TUSC3: variants seen among roughly 807,000 people sequenced by gnomAD.
TUSC3 encodes the protein dolichyl-diphosphooligosaccharide--protein glycosyltransferase subunit TUSC3.
TUSC3 carries 45 observed loss-of-function variants against 44.8 expected under a neutral mutation model. The ratio of observed to expected loss-of-function variants is 1.00; its 90% CI spans 0.79 to 1.29. The LOEUF (loss-of-function observed/expected upper bound fraction) is 1.29, where lower values mean the gene tolerates loss of function less well. Among genes scored for constraint, TUSC3 ranks in the 50% most tolerant of loss-of-function variants. The pLI, the probability that TUSC3 is intolerant of heterozygous loss-of-function variation, is 0.00. For missense variants in TUSC3, 519 were observed against 437.9 expected, an observed-to-expected ratio of 1.19 and a Z score of -1.65; for synonymous variants, 212 against 152.9, an observed-to-expected ratio of 1.39 and a Z score of -2.85.
chr8:15,498,099 A>T (rs1302821080), intron 2 of TUSC3, among the ~76,000 whole-genome samples: 1 of 152,178 alleles, frequency 6.6e-6, no homozygotes, highest in Non-Finnish European at 1.5e-5. Context: ...TTGTATGCTG[A>T]TGATGACCTA....
intron 3 of TUSC3, among the ~76,000 whole-genome samples, chr8:15,657,514 G>T (rs1353278565): frequency 6.6e-6 from 1 of 152,142 alleles, no homozygotes; most frequent in Non-Finnish European, 1.5e-5. Context: ...TTCCGTCTGA[G>T]ACCTCATCAG....
At chr8:15,586,252 G>C (rs1224307072) in intron 1 of TUSC3, among the ~76,000 whole-genome samples, 1 of 152,144 alleles carries the variant, frequency 6.6e-6, no homozygotes, top group Admixed American at 6.6e-5. Flanking sequence ...GTGAATTCAA[G>C]GTGAAAACAA....
At chr8:15,815,338 G>C in the TUSC3 span, among the ~76,000 whole-genome samples, 1 of 152,102 alleles carries the variant, frequency 6.6e-6, no homozygotes, top group Admixed American at 6.6e-5. Flanking sequence ...GGGAAAGATA[G>C]TAGGAAATCA....
chr8:15,696,045 A>C (rs1260273560), intron 6 of TUSC3, among the ~76,000 whole-genome samples: 2 of 152,218 alleles, frequency 1.3e-5, no homozygotes, highest in African/African-American at 4.8e-5. Flanking sequence ...CCAGCTGTGG[A>C]AATTTGCATA....
At chr8:15,551,929 A>C (rs1235558823) in intron 1 of TUSC3, among the ~76,000 whole-genome samples, 3 of 151,692 alleles carry the variant, frequency 2.0e-5, no homozygotes, top group East Asian at 3.9e-4. Flanking sequence ...CCATCATGAC[A>C]CAGTAAATAG....
At chr8:15,754,683 T>C (rs1158255458) in intron 9 of TUSC3, among the ~76,000 whole-genome samples, 1 of 152,168 alleles carries the variant, frequency 6.6e-6, no homozygotes, top group Admixed American at 6.5e-5. Flanking sequence ...GCCCTCAGTG[T>C]CTTCGTTTTG....
At chr8:15,645,936 G>C (rs766186922) in intron 2 of TUSC3, among the ~76,000 whole-genome samples, 1 of 152,058 alleles carries the variant, frequency 6.6e-6, no homozygotes, top group Non-Finnish European at 1.5e-5. Flanking sequence ...GGTAAACTTA[G>C]CTTAAGGGTA....
the TUSC3 span, among the ~76,000 whole-genome samples, chr8:15,809,345 G>C: frequency 6.6e-6 from 1 of 152,140 alleles, no homozygotes; most frequent in Admixed American, 6.6e-5. Context: ...CATGATTGCT[G>C]TTTTTGTGTA....
In TUSC3 at chr8:15,763,338, C is replaced by A. The variant is rs1288151491; in HGVS notation, c.*47-865C>A. Among the ~76,000 whole-genome samples, 31 of 151,418 alleles carry A rather than the reference C, an allele frequency of 2.0e-4. 1 individual carries two copies. Among genetic ancestry groups the A allele is most frequent in the Non-Finnish European group, 1.5e-5 (1 of 67,830 alleles). On this transcript the variant is annotated intron_variant, in intron 10 of 10. Transcript: ENST00000503731. ...CCTAGGATGATATGATTTAAACATCCAAATATAAAACTTACCTACTTTGGA... is the reference window on the plus strand; with the variant it reads ...CCTAGGATGATATGATTTAAACATCAAAATATAAAACTTACCTACTTTGGA...
At chr8:15,590,166 C>G (rs776352432) in intron 1 of TUSC3, among the ~76,000 whole-genome samples, 5 of 152,232 alleles carry the variant, frequency 3.3e-5, no homozygotes, top group African/African-American at 9.6e-5. Flanking sequence ...TTAGATAATT[C>G]CAATGTACAG....
chr8:15,417,634 T>A (rs183153225), intron 1 of TUSC3, among the ~76,000 whole-genome samples: 1 of 152,210 alleles, frequency 6.6e-6, no homozygotes, highest in Non-Finnish European at 1.5e-5. Context: ...AGGGTAAATA[T>A]ATACTAGAGA....
upstream of TUSC3, among the ~76,000 whole-genome samples, chr8:15,539,422 G>A (rs1341369250): frequency 3.0e-5 from 4 of 131,156 alleles, no homozygotes; most frequent in Non-Finnish European, 6.2e-5. Context: ...GAGTGATCTC[G>A]GCTCACTGCA....
chr8:15,821,253 C>A, the TUSC3 span, among the ~76,000 whole-genome samples: 1 of 151,770 alleles, frequency 6.6e-6, no homozygotes, highest in African/African-American at 2.4e-5. Flanking sequence ...AAATTCTAGT[C>A]ATTTAAATCA....
chr8:15,504,293 T>C (rs906457567), intron 2 of TUSC3, among the ~76,000 whole-genome samples: 1 of 151,984 alleles, frequency 6.6e-6, no homozygotes, highest in Non-Finnish European at 1.5e-5. Context: ...ACATTGACAG[T>C]GCAGTTTAAC....
intron 1 of TUSC3, among the ~76,000 whole-genome samples, chr8:15,589,514 G>A (rs1160191008): frequency 6.6e-6 from 1 of 152,162 alleles, no homozygotes; most frequent in Non-Finnish European, 1.5e-5. Context: ...GAGGTTAATA[G>A]TAGCTAATTA....
chr8:15,802,120 G>A, the TUSC3 span, among the ~76,000 whole-genome samples: 122,455 of 152,068 alleles, frequency 0.81, 49,349 homozygotes, highest in East Asian at 0.84. Flanking sequence ...GACACACCAC[G>A]TAAGAGTAGA....
At chr8:15,842,607 T>C in the TUSC3 span, among the ~76,000 whole-genome samples, 21 of 152,162 alleles carry the variant, frequency 1.4e-4, no homozygotes, top group Non-Finnish European at 2.9e-4. Context: ...GCAAGATTTG[T>C]ACACAGGAGA....
chr8:15,618,728 A>T (rs1014196010), intron 1 of TUSC3, among the ~76,000 whole-genome samples: 10 of 152,224 alleles, frequency 6.6e-5, no homozygotes, highest in Non-Finnish European at 1.3e-4. Flanking sequence ...GTTTATCGTT[A>T]TCAAGTATTA....
intron 2 of TUSC3, among the ~76,000 whole-genome samples, chr8:15,529,700 C>A (rs1229919620): frequency 6.7e-6 from 1 of 150,228 alleles, no homozygotes; most frequent in Non-Finnish European, 1.5e-5. Flanking sequence ...GGTTTTCAAA[C>A]TGTGTTATTG....
Sources: gnomAD v4.1 joint callset for allele counts (sites outside exome capture counted in the v4.1 genomes callset) on GRCh38, gnomAD v4.1.1 for gene constraint, MANE v1.5 for transcripts, NCBI Gene and HGNC (gene_info 2026-07-23, HGNC 2026-07-21) for gene names.